The following DOCK8 variants were observed in gnomAD, a reference collection of about 807,000 sequenced individuals.
DOCK8 encodes dedicator of cytokinesis 8.
In DOCK8, 141 loss-of-function variants were observed where a neutral mutation model predicts 245.6. The ratio of observed to expected loss-of-function variants is 0.57; its 90% confidence interval spans 0.50 to 0.66. The LOEUF (loss-of-function observed/expected upper bound fraction) is 0.66. Ranked by LOEUF, DOCK8 falls within the 30% of genes least tolerant of loss-of-function variation. DOCK8 has a pLI of 0.00. For synonymous variants in DOCK8, 1,168 were observed against 970.2 expected, an observed-to-expected ratio of 1.20 and a Z score of -3.79; for missense variants, 2,965 against 2,603.4, an observed-to-expected ratio of 1.14 and a Z score of -3.02.
chr9:447,701 A>G (rs1318066158), intron 44 of DOCK8, among the ~76,000 whole-genome samples: 1 of 152,266 alleles, frequency 6.6e-6, no homozygotes. Flanking sequence ...AATAACAAGT[A>G]TAACAGGCAT....
chr9:441,547 A>G (rs1389706330), intron 41 of DOCK8, 130 bp downstream of exon 41: 2 of 1,420,758 alleles, frequency 1.4e-6, no homozygotes, highest in African/African-American at 1.4e-5. Context: ...CTCACCTGTC[A>G]AACAGAAAAG....
chr9:384,306 C>T (rs2053854326), intron 22 of DOCK8, among the ~76,000 whole-genome samples: 2 of 152,160 alleles, frequency 1.3e-5, no homozygotes, highest in Non-Finnish European at 2.9e-5. Flanking sequence ...AATTCTTAGC[C>T]TGAATTTTTT....
At position 215,041 on chromosome 9, in the gene DOCK8, C is replaced by T. The variant is rs751176905; in HGVS notation, c.53+12C>T. On this transcript the variant is annotated intron_variant, in intron 1 of 47. Transcript: ENST00000432829. ...CTCAAGATCAACAGGTAAGACGCCC[C>T]CCGCGGCGCGCAGGTTGCGGCCGGA... 36 of 1,572,318 alleles carry T rather than the reference C, an allele frequency of 2.3e-5. No homozygotes were observed. In the African/African-American group the frequency reaches 3.2e-4, roughly 14 times the overall value.
intron 2 of DOCK8, among the ~76,000 whole-genome samples, chr9:274,819 T>C (rs1478093696): frequency 6.6e-6 from 1 of 152,242 alleles, no homozygotes; most frequent in East Asian, 1.9e-4. Flanking sequence ...TTCGTTGCAT[T>C]ATTTTGGCTA....
At chr9:453,553 A>G (rs2057532826) in intron 46 of DOCK8, among the ~76,000 whole-genome samples, 1 of 152,102 alleles carries the variant, frequency 6.6e-6, no homozygotes, top group Non-Finnish European at 1.5e-5. Context: ...GAGCCTCCCA[A>G]GTAGCTGGGA....
intron 1 of DOCK8, among the ~76,000 whole-genome samples, chr9:255,668 C>CAA (rs71317282): frequency 3.0e-3 from 69 of 23,296 alleles, no homozygotes; most frequent in African/African-American, 3.5e-3. Context: ...ACTCCATCTC[C>CAA]AAAAAAAAAA....
At chr9:334,170 C>T in intron 10 of DOCK8, 55 bp from the exon 11 acceptor site, 1 of 1,600,964 alleles carries the variant, frequency 6.2e-7, no homozygotes. Context: ...AGGTCAGAGG[C>T]AGTTGACTTG....
chr9:347,089 T>A (rs1387288741), intron 14 of DOCK8, among the ~76,000 whole-genome samples: 2 of 152,196 alleles, frequency 1.3e-5, no homozygotes, highest in East Asian at 3.9e-4. Flanking sequence ...ATTCAGGTGG[T>A]CTGGGATGGG....
At chr9:374,269 A>T (rs532339780) in intron 18 of DOCK8, among the ~76,000 whole-genome samples, 2 of 152,264 alleles carry the variant, frequency 1.3e-5, no homozygotes, top group Admixed American at 6.5e-5. Flanking sequence ...GTGGCTATTG[A>T]GGAAAATATG....
chr9:298,227 C>A lies in DOCK8; in HGVS notation c.405-6354C>A, dbSNP rs567382777. Among the ~76,000 whole-genome samples, 12 of 152,226 alleles carry A rather than the reference C, an allele frequency of 7.9e-5. No individual in the cohort carries two copies. In the South Asian group the frequency reaches 2.5e-3, roughly 32 times the overall value. ...ATCACCTGAGGTCAGGAGTTCGAGACCAGCCTGGCCAACACGGCAAAACCC... is the reference window on the plus strand; with the variant it reads ...ATCACCTGAGGTCAGGAGTTCGAGAACAGCCTGGCCAACACGGCAAAACCC... On this transcript the variant is annotated intron_variant, in intron 4 of 47. Coordinates refer to ENST00000432829, the MANE Select transcript of DOCK8 (RefSeq NM_203447.4).
chr9:337,621 A>G (rs1282931107), intron 12 of DOCK8, among the ~76,000 whole-genome samples: 1 of 151,962 alleles, frequency 6.6e-6, no homozygotes, highest in Non-Finnish European at 1.5e-5. Context: ...TCCAGATGGT[A>G]CTCTTTGTTA....
chr9:330,060 T>A (rs10813704), intron 9 of DOCK8, among the ~76,000 whole-genome samples: 4,371 of 152,312 alleles, frequency 0.029, 78 homozygotes, highest in Middle Eastern at 0.061. Flanking sequence ...GAGGGGCTTC[T>A]TTCTTTTTTG....
rs1371208683 is a variant in DOCK8, at chr9:396,826, G to T, written c.3012G>T (p.Arg1004=). ...AGCACGTACATAACATGGACAAACG[G>T]GACAGTTTTCGGAGGACTCGTTTTT... ...MAQHVHNMDK[R]DSFRRTRFSD... is the part of the protein sequence containing the mutation. The change falls in exon 25 of 48, where the codon CGG becomes CGT. Residue 1004 remains arginine, a synonymous_variant. Transcript: ENST00000432829. 1.6e-5 allele frequency: 26 copies of T among 1,613,902 alleles called. No individual in the cohort carries two copies. Among genetic ancestry groups the T allele is most frequent in the Non-Finnish European group, 1.9e-5 (23 of 1,180,022 alleles).
At chr9:311,285 TA>T (rs57814753) in intron 5 of DOCK8, among the ~76,000 whole-genome samples, 8,293 of 141,494 alleles carry the variant, frequency 0.059, 542 homozygotes, top group African/African-American at 0.17. Flanking sequence ...ACTCGGTCTT[TA>T]AAAAAAAAAA....
At chr9:434,007 A>G (rs1214617020) in intron 38 of DOCK8, 32 bp downstream of exon 38, 4 of 1,500,688 alleles carry the variant, frequency 2.7e-6, no homozygotes, top group African/African-American at 2.7e-5. Flanking sequence ...AAGGGACACC[A>G]TTTGGGGGTC....
chr9:428,394 GCTGGGAGGTGTT>G lies in DOCK8; in HGVS notation c.4375_4386del (p.Gly1459_Leu1462del). 1 of 1,614,220 alleles carries G rather than the reference GCTGGGAGGTGTT, an allele frequency of 6.2e-7. No homozygotes were observed. The highest frequency in any genetic ancestry group is 8.5e-7 in the Non-Finnish European group (1 of 1,180,044). On this transcript the variant is annotated inframe_deletion, in exon 35 of 48. Transcript: ENST00000432829. ...CGGCTCTGGACTGTAAAGACAGCCT[GCTGGGAGGTGTT>G]CTGAGGGTGCTGGTGAATTCTCTGA... is the stretch of plus-strand genomic sequence containing the variant.
intron 1 of DOCK8, among the ~76,000 whole-genome samples, chr9:234,335 C>T (rs200261588): frequency 3.9e-5 from 6 of 152,136 alleles, no homozygotes; most frequent in East Asian, 3.9e-4. Flanking sequence ...TAACATTTTT[C>T]CCTTCATTTC....
intron 8 of DOCK8, among the ~76,000 whole-genome samples, chr9:326,832 C>G (rs368989327): frequency 1.1e-4 from 17 of 152,304 alleles, no homozygotes; most frequent in Admixed American, 4.6e-4. Flanking sequence ...GCTAACAATT[C>G]ACTGGAGAGA....
At chr9:310,722 A>G (rs1038106846) in intron 5 of DOCK8, among the ~76,000 whole-genome samples, 2 of 152,176 alleles carry the variant, frequency 1.3e-5, no homozygotes, top group East Asian at 1.9e-4. Flanking sequence ...CGGCCTCCCA[A>G]AGTGCTGGGA....
Sources: allele counts gnomAD v4.1 joint callset (sites outside exome capture counted in the v4.1 genomes callset), GRCh38; gene constraint gnomAD v4.1.1; transcripts MANE v1.5; gene names NCBI Gene and HGNC (gene_info 2026-07-23, HGNC 2026-07-21).